PDE4D: variants seen among roughly 807,000 people sequenced by gnomAD.
PDE4D encodes phosphodiesterase 4D, also known as 3',5'-cyclic-AMP phosphodiesterase 4D.
PDE4D carries 24 observed loss-of-function variants against 87.4 expected under a neutral mutation model. The ratio of observed to expected loss-of-function variants is 0.27; its 90% CI spans 0.20 to 0.39. The LOEUF is 0.39. Ranked by LOEUF, PDE4D falls within the 10% of genes least tolerant of loss-of-function variation. The pLI, the probability that PDE4D is intolerant of heterozygous loss-of-function variation, is 1.00. For missense variants in PDE4D, 714 were observed against 1,041.0 expected, an observed-to-expected ratio of 0.69 and a Z score of 4.32; for synonymous variants, 384 against 383.2, an observed-to-expected ratio of 1.00 and a Z score of -0.02.
chr5:59,187,119 T>C (rs557568548), intron 3 of PDE4D, among the ~76,000 whole-genome samples: 2 of 152,230 alleles, frequency 1.3e-5, no homozygotes, highest in African/African-American at 4.8e-5. Context: ...GCTGGGTAAA[T>C]AGACATAGAA....
chr5:59,498,042 A>G lies in PDE4D; in HGVS notation c.456-282074T>C, dbSNP rs556565153. Among the ~76,000 whole-genome samples, 7 of 152,250 alleles carry G rather than the reference A, an allele frequency of 4.6e-5. No homozygotes were observed. In the South Asian group the frequency reaches 1.0e-3, roughly 23 times the overall value. ...TTTTTAGCATTTTTAAAGAAAAAAA[A>G]TGCCAACCAATAATTTCATATCCCA... On this transcript the variant is annotated intron_variant, in intron 1 of 14. Transcript: ENST00000340635.
intron 1 of PDE4D, among the ~76,000 whole-genome samples, chr5:59,250,986 T>G (rs909090183): frequency 2.6e-5 from 4 of 152,152 alleles, no homozygotes; most frequent in African/African-American, 9.7e-5. Flanking sequence ...TGCAGAAGAT[T>G]GAAGCTGGAC....
At chr5:59,013,965 A>T (rs752894959) in intron 6 of PDE4D, among the ~76,000 whole-genome samples, 1 of 152,242 alleles carries the variant, frequency 6.6e-6, no homozygotes, top group Non-Finnish European at 1.5e-5. Flanking sequence ...AGTGGGCTTC[A>T]TCCCTGGGAT....
chr5:60,092,424 TAGA>T (rs1244455515), intron 2 of PDE4D, among the ~76,000 whole-genome samples: 2 of 152,258 alleles, frequency 1.3e-5, no homozygotes, highest in East Asian at 3.9e-4. Flanking sequence ...GCAAAATAGC[TAGA>T]AGAAGAGATT....
rs143644348 is a variant in PDE4D at position 59,391,966 on chromosome 5, T to C, written c.456-175998A>G. On this transcript the variant is annotated intron_variant, in intron 1 of 14. Transcript: ENST00000340635. ...AATATATATTTCTATATATTACATA[T>C]ATATATAATATATAAATTATTTTCA... Among the ~76,000 whole-genome samples the C allele has an allele frequency of 4.8e-3, 710 of 148,312 alleles. 6 individuals are homozygous for C. Among genetic ancestry groups the C allele is most frequent in the African/African-American group, 0.016 (640 of 40,892 alleles).
At chr5:60,480,999 A>C (rs1748688734) in intron 1 of PDE4D, among the ~76,000 whole-genome samples, 2 of 152,214 alleles carry the variant, frequency 1.3e-5, no homozygotes, top group Admixed American at 6.5e-5. Context: ...CTTTTTAGGC[A>C]TTCCTAGTCT....
At chr5:59,248,737 G>A (rs1387965616) in intron 1 of PDE4D, among the ~76,000 whole-genome samples, 2 of 151,960 alleles carry the variant, frequency 1.3e-5, no homozygotes, top group African/African-American at 4.8e-5. Flanking sequence ...GTCTACACAT[G>A]ATAGATGATA....
chr5:60,263,625 C>G (rs987740164), intron 1 of PDE4D, among the ~76,000 whole-genome samples: 2 of 152,136 alleles, frequency 1.3e-5, no homozygotes, highest in African/African-American at 4.8e-5. Context: ...GCTCAGGAGG[C>G]CTTGTGAACC....
chr5:59,196,804 G>A (rs1745552630), intron 2 of PDE4D, among the ~76,000 whole-genome samples: 2 of 152,070 alleles, frequency 1.3e-5, no homozygotes, highest in Admixed American at 1.3e-4. Context: ...AATGGTTTCT[G>A]ACATTAAAAA....
chr5:59,666,595 T>G (rs1746116029), intron 1 of PDE4D, among the ~76,000 whole-genome samples: 1 of 152,246 alleles, frequency 6.6e-6, no homozygotes, highest in Admixed American at 6.5e-5. Context: ...GTTCCGTCAC[T>G]GCATTTGGAT....
chr5:59,912,856 A>G (rs562189459), intron 3 of PDE4D, among the ~76,000 whole-genome samples: 3 of 152,344 alleles, frequency 2.0e-5, no homozygotes, highest in Non-Finnish European at 4.4e-5. Context: ...AACACTTCAG[A>G]AAGGAAATAG....
chr5:60,199,410 C>T (rs1741645960), intron 1 of PDE4D, among the ~76,000 whole-genome samples: 1 of 151,712 alleles, frequency 6.6e-6, no homozygotes, highest in South Asian at 2.1e-4. Flanking sequence ...TTAGATTTTG[C>T]TCTCTCTTCA....
chr5:59,990,821 T>A (rs1762932141), intron 2 of PDE4D, among the ~76,000 whole-genome samples: 1 of 152,174 alleles, frequency 6.6e-6, no homozygotes, highest in Non-Finnish European at 1.5e-5. Flanking sequence ...GGGTGATTAA[T>A]CATCTTACTT....
intron 1 of PDE4D, among the ~76,000 whole-genome samples, chr5:59,624,653 A>T (rs1319840314): frequency 2.0e-5 from 3 of 152,228 alleles, no homozygotes; most frequent in African/African-American, 7.2e-5. Context: ...TTTGGTCTAC[A>T]TCTAATTAAG....
chr5:59,320,341 T>C (rs1035463722), intron 1 of PDE4D, among the ~76,000 whole-genome samples: 4 of 152,082 alleles, frequency 2.6e-5, no homozygotes, highest in South Asian at 2.1e-4. Flanking sequence ...ACACAGGCTA[T>C]ACATAATATC....
At chr5:60,252,399 CTT>C (rs749772318) in intron 1 of PDE4D, among the ~76,000 whole-genome samples, 11 of 137,372 alleles carry the variant, frequency 8.0e-5, no homozygotes, top group Non-Finnish European at 9.4e-5. Context: ...CACTTTTTTA[CTT>C]TTTTTTTTTT....
intron 1 of PDE4D, among the ~76,000 whole-genome samples, chr5:59,507,679 A>AAAAAAAAAAAAAGAAAAG (rs61334148): frequency 8.4e-6 from 1 of 118,718 alleles, no homozygotes; most frequent in African/African-American, 3.5e-5. Context: ...AAAAAAAAAA[A>AAAAAAAAAAAAAGAAAAG]AAAAGAAAAG....
At chr5:60,337,404 C>CAT (rs1554017949) in intron 1 of PDE4D, among the ~76,000 whole-genome samples, 11 of 139,674 alleles carry the variant, frequency 7.9e-5, no homozygotes, top group South Asian at 2.4e-4. Context: ...CACACACACA[C>CAT]ACATATATCA....
intron 1 of PDE4D, among the ~76,000 whole-genome samples, chr5:60,233,674 A>T (rs900698561): frequency 1.3e-5 from 2 of 151,710 alleles, no homozygotes; most frequent in African/African-American, 4.8e-5. Flanking sequence ...ATATTTATTT[A>T]TTTCTCAAAC....
Sources: gnomAD v4.1 joint callset for allele counts (sites outside exome capture counted in the v4.1 genomes callset) on GRCh38, gnomAD v4.1.1 for gene constraint, MANE v1.5 for transcripts, NCBI Gene and HGNC (gene_info 2026-07-23, HGNC 2026-07-21) for gene names.